Variants in MAGI2 observed in about 807,000 individuals in gnomAD.
MAGI2 encodes membrane associated guanylate kinase, WW and PDZ domain containing 2.
A neutral mutation model predicts 133.3 loss-of-function variants in MAGI2; 35 were observed. The ratio of observed to expected loss-of-function variants is 0.26; its 90% CI spans 0.20 to 0.35. The LOEUF (loss-of-function observed/expected upper bound fraction) is 0.35. MAGI2 is among the 10% of genes least tolerant of loss of function. MAGI2 has a pLI of 1.00. For synonymous variants in MAGI2, 729 were observed against 710.6 expected, an observed-to-expected ratio of 1.03 and a Z score of -0.41; for missense variants, 1,636 against 1,863.4, an observed-to-expected ratio of 0.88 and a Z score of 2.25.
chr7:79,252,176 A>AG (rs922861137), intron 1 of MAGI2, among the ~76,000 whole-genome samples: 3 of 46,034 alleles, frequency 6.5e-5, no homozygotes, highest in East Asian at 5.0e-4. Flanking sequence ...AAAAAAAAAA[A>AG]AAGAAGAAGA....
At chr7:78,399,171 C>T (rs1796622424) in intron 6 of MAGI2, among the ~76,000 whole-genome samples, 1 of 152,040 alleles carries the variant, frequency 6.6e-6, no homozygotes, top group Non-Finnish European at 1.5e-5. Flanking sequence ...TGGATAACAC[C>T]AAGGAATAAT....
chr7:78,980,509 A>G (rs1390059904), intron 2 of MAGI2, among the ~76,000 whole-genome samples: 1 of 151,834 alleles, frequency 6.6e-6, no homozygotes, highest in Non-Finnish European at 1.5e-5. Context: ...TGAAGTGAGA[A>G]GGGAGTTGAA....
chr7:78,211,322 G>T (rs1318924377), intron 10 of MAGI2, among the ~76,000 whole-genome samples: 1 of 152,166 alleles, frequency 6.6e-6, no homozygotes, highest in Admixed American at 6.5e-5. Context: ...GGAATCTTAG[G>T]GGTCCTGGTT....
chr7:79,104,148 C>T (rs1181298336), intron 1 of MAGI2, among the ~76,000 whole-genome samples: 1 of 152,078 alleles, frequency 6.6e-6, no homozygotes, highest in African/African-American at 2.4e-5. Flanking sequence ...CCATTCTAAA[C>T]AACAAAATGT....
At chr7:78,521,231 T>G (rs1165759996) in intron 4 of MAGI2, among the ~76,000 whole-genome samples, 199 bp downstream of exon 4, 1 of 151,652 alleles carries the variant, frequency 6.6e-6, no homozygotes, top group Non-Finnish European at 1.5e-5. Flanking sequence ...TCCATGTCCT[T>G]TCCATTTGAT....
At position 78,674,292 on chromosome 7, in the gene MAGI2, G is replaced by C. The variant is rs145628674; in HGVS notation, c.419-47053C>G. On this transcript the variant is annotated intron_variant, in intron 2 of 21. Transcript: ENST00000354212. Reference sequence around the variant, plus strand: ...AGTGTTTCATTAATTGGCTATTTTGGCACCAGGCAAACTGATTCTAAATCA... The same window carrying C: ...AGTGTTTCATTAATTGGCTATTTTGCCACCAGGCAAACTGATTCTAAATCA... 2.9e-3 allele frequency among the ~76,000 whole-genome samples: 440 copies of C among 151,326 alleles called. 4 individuals are homozygous for C. Among genetic ancestry groups the C allele is most frequent in the African/African-American group, 9.9e-3 (409 of 41,246 alleles).
chr7:79,028,269 G>GTATATATATATATATATATATATA (rs1464056500), intron 1 of MAGI2, among the ~76,000 whole-genome samples: 6 of 21,354 alleles, frequency 2.8e-4, no homozygotes, highest in African/African-American at 8.7e-4. Context: ...ATATATATAT[G>GTATATATATATATATATATATATA]TATGTATGTA....
chr7:79,237,266 C>A (rs961132693), intron 1 of MAGI2, among the ~76,000 whole-genome samples: 1 of 152,074 alleles, frequency 6.6e-6, no homozygotes, highest in Non-Finnish European at 1.5e-5. Context: ...GAGGCCGAGG[C>A]GGTGGATCAC....
At chr7:78,101,148 A>G (rs1255260016) in intron 20 of MAGI2, among the ~76,000 whole-genome samples, 1 of 152,228 alleles carries the variant, frequency 6.6e-6, no homozygotes, top group Non-Finnish European at 1.5e-5. Flanking sequence ...AACAGATTTA[A>G]TGTAATCCAT....
intron 2 of MAGI2, among the ~76,000 whole-genome samples, chr7:78,644,352 A>G (rs551107896): frequency 1.3e-5 from 2 of 152,252 alleles, no homozygotes; most frequent in South Asian, 2.1e-4. Flanking sequence ...ACACTTAACA[A>G]TATACACTAT....
At chr7:78,722,967 A>AT (rs1174581759) in intron 2 of MAGI2, among the ~76,000 whole-genome samples, 1 of 152,114 alleles carries the variant, frequency 6.6e-6, no homozygotes, top group African/African-American at 2.4e-5. Context: ...TGCGATTCAT[A>AT]TTAAAGGAAA....
rs187873689 is a variant in MAGI2 at position 78,393,150 on chromosome 7, C to G, written c.1046-23937G>C. On this transcript the variant is annotated intron_variant, in intron 6 of 21. Coordinates refer to ENST00000354212, the MANE Select transcript of MAGI2 (RefSeq NM_012301.4). ...TTGACTCTTTGATTTGCAGAATGCT[C>G]CACAGCACAAGTCGTAGTTGGAGGT... 9.6e-4 allele frequency among the ~76,000 whole-genome samples: 146 copies of G among 152,184 alleles called. 1 individual carries two copies. Among genetic ancestry groups the G allele is most frequent in the African/African-American group, 3.4e-3 (140 of 41,520 alleles).
At chr7:78,271,174 T>C (rs1410847024) in intron 9 of MAGI2, among the ~76,000 whole-genome samples, 5 of 152,196 alleles carry the variant, frequency 3.3e-5, no homozygotes, top group Non-Finnish European at 5.9e-5. Context: ...GTTTTTAGCA[T>C]GAAGGGGTGT....
intron 1 of MAGI2, among the ~76,000 whole-genome samples, chr7:79,405,745 T>C (rs1463188103): frequency 2.0e-5 from 3 of 152,162 alleles, no homozygotes; most frequent in Non-Finnish European, 2.9e-5. Context: ...TCTAAACTTT[T>C]AAGTTCCACA....
chr7:79,306,736 T>C (rs1171564738), intron 1 of MAGI2, among the ~76,000 whole-genome samples: 1 of 152,192 alleles, frequency 6.6e-6, no homozygotes, highest in Non-Finnish European at 1.5e-5. Context: ...ATACCTACTC[T>C]GAGATTCTAT....
chr7:79,294,829 A>G lies in MAGI2; in HGVS notation c.301+158191T>C, dbSNP rs993171540. 3.7e-5 allele frequency among the ~76,000 whole-genome samples: 5 copies of G among 134,430 alleles called. No individual in the cohort carries two copies. The Admixed American group carries it at 4.5e-4, about 12-fold the overall frequency. 88.2% of individuals were successfully genotyped at this position (134,430 alleles called of 152,430 possible). A position where few individuals can be genotyped will look rare whatever the true frequency, so the allele number is the denominator to read the frequency against. On this transcript the variant is annotated intron_variant, in intron 1 of 21. Transcript: ENST00000354212. Reference sequence around the variant, plus strand: ...ACTGCAAGCTCCGCCTCCCGGGTTCACGCCATTCTCCTGCCTCAGCCTTCT... The same window carrying G: ...ACTGCAAGCTCCGCCTCCCGGGTTCGCGCCATTCTCCTGCCTCAGCCTTCT...
At chr7:78,801,360 T>C (rs1238901302) in intron 2 of MAGI2, among the ~76,000 whole-genome samples, 1 of 152,170 alleles carries the variant, frequency 6.6e-6, no homozygotes, top group African/African-American at 2.4e-5. Context: ...ATGAATGATC[T>C]GGGAGAGCTT....
chr7:78,291,798 A>G (rs1362937912), intron 9 of MAGI2, among the ~76,000 whole-genome samples: 1 of 152,236 alleles, frequency 6.6e-6, no homozygotes, highest in East Asian at 1.9e-4. Context: ...CAATAAATGT[A>G]ATTCAGCATA....
chr7:78,465,192 T>C (rs1342133345), intron 6 of MAGI2, among the ~76,000 whole-genome samples: 8 of 152,210 alleles, frequency 5.3e-5, no homozygotes, highest in Admixed American at 1.3e-4. Context: ...CACACACATA[T>C]GGCATTAGTG....
Sources: gnomAD v4.1 joint callset for allele counts (sites outside exome capture counted in the v4.1 genomes callset) on GRCh38, gnomAD v4.1.1 for gene constraint, MANE v1.5 for transcripts, NCBI Gene and HGNC (gene_info 2026-07-23, HGNC 2026-07-21) for gene names.